EIF3H: variants seen among roughly 807,000 people sequenced by gnomAD.
The protein encoded by EIF3H is eIF-3-gamma.
Under a neutral mutation model 44.2 loss-of-function variants are expected in EIF3H, and 26 were observed. The ratio of observed to expected loss-of-function variants is 0.59; its 90% CI spans 0.43 to 0.82. The LOEUF (loss-of-function observed/expected upper bound fraction) is 0.82, where lower values mean the gene tolerates loss of function less well. EIF3H is among the 40% of genes least tolerant of loss of function. The probability of loss-of-function intolerance (pLI) is 0.00; values close to 1 mark genes in which losing one functional copy is unlikely to be tolerated. For synonymous variants in EIF3H, 166 were observed against 151.9 expected (o/e 1.09, Z -0.68); for missense variants, 359 against 432.8 (o/e 0.83, Z 1.51).
chr8:116,750,453 A>T (rs1381504898), intron 1 of EIF3H, among the ~76,000 whole-genome samples: 2 of 140,112 alleles, frequency 1.4e-5, no homozygotes, highest in African/African-American at 5.4e-5. Flanking sequence ...TCTGTCGCCC[A>T]ATCTGGAGTG....
intron 1 of EIF3H, among the ~76,000 whole-genome samples, chr8:116,762,709 G>A (rs1264835507): frequency 6.6e-5 from 10 of 152,194 alleles, no homozygotes; most frequent in Admixed American, 1.3e-4. Context: ...CAAGGTGAGC[G>A]GACCATTTGA....
At chr8:116,682,867 A>G (rs1814014212) in intron 2 of EIF3H, among the ~76,000 whole-genome samples, 1 of 152,232 alleles carries the variant, frequency 6.6e-6, no homozygotes, top group South Asian at 2.1e-4. Context: ...GAACTTTTCC[A>G]TAGAGAACTA....
intron 2 of EIF3H, among the ~76,000 whole-genome samples, chr8:116,675,066 C>T (rs775434212): frequency 3.3e-5 from 5 of 151,810 alleles, no homozygotes; most frequent in Non-Finnish European, 5.9e-5. Flanking sequence ...TAAAATATCT[C>T]ATTTCACATC....
intron 2 of EIF3H, among the ~76,000 whole-genome samples, chr8:116,703,958 C>G (rs1282449759): frequency 6.6e-6 from 1 of 152,236 alleles, no homozygotes; most frequent in African/African-American, 2.4e-5. Flanking sequence ...CACAGCTTTT[C>G]TGACAGGAGG....
Position 116,690,116 on chromosome 8 carries a change from G to T in EIF3H, c.290-31136C>A, listed in dbSNP as rs535522983. On this transcript the variant is annotated intron_variant, in intron 2 of 7. Coordinates refer to ENST00000521861, the MANE Select transcript of EIF3H (RefSeq NM_003756.3). ...CACGTCTCAGGTCCTTCTCCATACT[G>T]GCTCTCCGCTCATTCTTTTCTGTTT... Among the ~76,000 whole-genome samples, 7 of 152,104 alleles carry T rather than the reference G, an allele frequency of 4.6e-5. No individual in the cohort carries two copies. In the South Asian group the frequency reaches 1.5e-3, roughly 32 times the overall value.
Position 116,643,183 on chromosome 8 carries a change from TTTACCTG to T in EIF3H, c.*1816_*1822del, listed in dbSNP as rs1256367002. ...CACAAGGGCAGGGGCCATGGCCAGT[TTTACCTG>T]TTAATATATCCCTTCTGTCTAACAC... On this transcript the variant is annotated 3_prime_UTR_variant, in exon 8 of 8. Transcript: ENST00000521861. 4 of 152,208 alleles carry T rather than the reference TTTACCTG, an allele frequency of 2.6e-5. No individual in the cohort carries two copies. The highest frequency in any genetic ancestry group is 4.4e-5 in the Non-Finnish European group (3 of 68,046). The allele number at this position is 152,208 out of a possible 1,614,324, so 9.4% of individuals were successfully genotyped here.
intron 2 of EIF3H, among the ~76,000 whole-genome samples, chr8:116,699,568 G>T (rs1195758121): frequency 6.6e-6 from 1 of 152,130 alleles, no homozygotes; most frequent in Non-Finnish European, 1.5e-5. Flanking sequence ...GGAGGGAGGG[G>T]TACAAGAGTT....
chr8:116,648,378 T>C (rs553748446), intron 6 of EIF3H, among the ~76,000 whole-genome samples: 17 of 152,366 alleles, frequency 1.1e-4, no homozygotes, highest in Admixed American at 8.5e-4. Context: ...TCACAGCAGT[T>C]GGTCTATTAT....
chr8:116,696,783 C>T (rs746108945), intron 2 of EIF3H, among the ~76,000 whole-genome samples: 1 of 151,724 alleles, frequency 6.6e-6, no homozygotes, highest in South Asian at 2.1e-4. Context: ...TTAGTCTTCT[C>T]GAGGAATAAA....
At position 116,753,377 on chromosome 8, in the gene EIF3H, T is replaced by G. The variant is rs548540940; in HGVS notation, c.132+2289A>C. Among the ~76,000 whole-genome samples, 3 of 152,338 alleles carry G rather than the reference T, an allele frequency of 2.0e-5. No homozygotes were observed. The South Asian group carries it at 6.2e-4, about 32-fold the overall frequency. On this transcript the variant is annotated intron_variant, in intron 1 of 7. Coordinates refer to ENST00000521861, the MANE Select transcript of EIF3H (RefSeq NM_003756.3). ...TTACCTGCTCTTATTATGATTGATT[T>G]TGGAGTCACTGGTAAGCTTCTGATT...
chr8:116,719,428 A>C (rs1814708697), intron 2 of EIF3H, among the ~76,000 whole-genome samples: 1 of 152,188 alleles, frequency 6.6e-6, no homozygotes, highest in African/African-American at 2.4e-5. Flanking sequence ...TGAAAAAGAA[A>C]GAGTGGAAAG....
intron 2 of EIF3H, among the ~76,000 whole-genome samples, chr8:116,712,880 C>T (rs919456764): frequency 6.6e-6 from 1 of 151,948 alleles, no homozygotes; most frequent in African/African-American, 2.4e-5. Context: ...GTAAAACATA[C>T]TTTAGGTAAT....
chr8:116,661,249 T>C (rs980570563), intron 2 of EIF3H, among the ~76,000 whole-genome samples: 2 of 151,994 alleles, frequency 1.3e-5, no homozygotes, highest in Admixed American at 1.3e-4. Context: ...GAATTTGCTA[T>C]TTATTTTAAA....
rs149440798 is a variant in EIF3H at position 116,702,752 on chromosome 8, A to G, written c.289+23264T>C. On this transcript the variant is annotated intron_variant, in intron 2 of 7. Transcript: ENST00000521861. ...AGAGAACAACAGTACAGATATTTCC[A>G]AAATCAAGTACGAATAACAAAGGAC... Among the ~76,000 whole-genome samples the G allele has an allele frequency of 3.6e-3, 555 of 152,358 alleles. 5 individuals are homozygous for G. The highest frequency in any genetic ancestry group is 5.6e-3 in the Admixed American group (86 of 15,308).
upstream of EIF3H, among the ~76,000 whole-genome samples, chr8:116,759,903 G>C (rs1236483757): frequency 1.3e-5 from 2 of 152,066 alleles, no homozygotes; most frequent in African/African-American, 2.4e-5. Flanking sequence ...AATAATTTTT[G>C]TACTTTTTGT....
At chr8:116,724,396 A>G (rs576951456) in intron 2 of EIF3H, among the ~76,000 whole-genome samples, 26 of 152,332 alleles carry the variant, frequency 1.7e-4, no homozygotes, top group South Asian at 1.7e-3. Flanking sequence ...TTTGGCACTG[A>G]TATCTTCAAT....
intron 1 of EIF3H, among the ~76,000 whole-genome samples, chr8:116,740,733 T>C (rs1815115478): frequency 6.6e-6 from 1 of 152,138 alleles, no homozygotes; most frequent in Admixed American, 6.5e-5. Flanking sequence ...TTCTTATGAA[T>C]GTACACACCA....
In EIF3H at chr8:116,644,296, G is replaced by C. The variant is rs887240007; in HGVS notation, c.*710C>G. ...TCCCAGCTACTTGGGAGGCTGAGGT[G>C]GGAGAATCGCTTGAACTCAGAAGGT... On this transcript the variant is annotated 3_prime_UTR_variant, in exon 8 of 8. Coordinates refer to ENST00000521861, the MANE Select transcript of EIF3H (RefSeq NM_003756.3). The C allele has an allele frequency of 1.3e-5, 2 of 152,298 alleles. No homozygotes were observed. Among genetic ancestry groups the C allele is most frequent in the African/African-American group, 4.8e-5 (2 of 41,426 alleles). The allele number at this position is 152,298 out of a possible 1,614,324, so 9.4% of individuals were successfully genotyped here.
intron 1 of EIF3H, chr8:116,737,178 C>T (rs1189871519): frequency 7.2e-6 from 3 of 414,888 alleles, no homozygotes; most frequent in Non-Finnish European, 1.4e-5. Context: ...AGTGTGCAAG[C>T]CCTAAAAACA....
Sources: allele counts gnomAD v4.1 joint callset (sites outside exome capture counted in the v4.1 genomes callset), GRCh38; gene constraint gnomAD v4.1.1; transcripts MANE v1.5; gene names NCBI Gene and HGNC (gene_info 2026-07-23, HGNC 2026-07-21).